The following ARHGEF1 variants were observed in gnomAD, a reference collection of about 807,000 sequenced individuals.
ARHGEF1 encodes the protein 115 kDa guanine nucleotide exchange factor.
In ARHGEF1, 40 loss-of-function variants were observed where a neutral mutation model predicts 119.7. The ratio of observed to expected loss-of-function variants is 0.33; its 90% CI spans 0.26 to 0.44. ARHGEF1 has a LOEUF of 0.44. ARHGEF1 is among the 20% of genes least tolerant of loss of function. The pLI is 1.00. For synonymous variants in ARHGEF1, 494 were observed against 521.0 expected (o/e 0.95, Z 0.71); for missense variants, 976 against 1,268.3 (o/e 0.77, Z 3.50).
chr19:41,928,442 G>A (rs1055478816), intron 1 of ARHGEF1: 1 of 154,068 alleles, frequency 6.5e-6, no homozygotes, highest in African/African-American at 2.4e-5. Flanking sequence ...GGGGCGCGGG[G>A]CGGCCCTGCC....
rs201383072 is a variant in ARHGEF1 at position 41,888,862 on chromosome 19, C to T, written c.222C>T (p.Pro74=). 3.4e-5 allele frequency: 55 copies of T among 1,613,406 alleles called. No individual in the cohort carries two copies. The highest frequency in any genetic ancestry group is 5.0e-5 in the Admixed American group (3 of 59,986). Residue 74 remains proline (P), a synonymous_variant, in exon 4 of 29, where the codon CCC becomes CCT. Transcript: ENST00000354532. This position sits in a 1 kb window ranked among gnomAD's most constrained non-coding sequence, Gnocchi z 5.1. Reference sequence around the variant, plus strand: ...TGGCCCTGCAGTTTGAGCCAGGACCCCTGGTGAGGGCAGGGCTGGGTGGGC... The same window carrying T: ...TGGCCCTGCAGTTTGAGCCAGGACCTCTGGTGAGGGCAGGGCTGGGTGGGC... ...QHVALQFEPG[P]LLCCLHADML...
chr19:41,905,497 ATG>A lies in ARHGEF1; in HGVS notation c.2336+241_2336+242del. 1.6e-6 allele frequency: 1 copy of A among 611,984 alleles called. No homozygotes were observed. The highest frequency in any genetic ancestry group is 2.9e-6 in the Non-Finnish European group (1 of 347,348). 37.9% of individuals were successfully genotyped at this position (611,984 alleles called of 1,614,324 possible). On this transcript the variant is annotated intron_variant, in intron 24 of 28. Transcript: ENST00000354532. This position sits in a 1 kb window ranked among gnomAD's most constrained non-coding sequence, Gnocchi z 6.4. ...GCGTGTATGGTGTGTGTGTATGCAT[ATG>A]TGTGCATGCGTGTGACAGCATGTGC... is the stretch of plus-strand genomic sequence containing the variant.
At chr19:41,928,039 C>T (rs1555853447) in intron 1 of ARHGEF1, 1 of 152,172 alleles carries the variant, frequency 6.6e-6, no homozygotes, top group Non-Finnish European at 1.5e-5. Context: ...CGCTCACTCA[C>T]TTTCTGGGCT....
At chr19:41,895,237 C>T (rs1280974550) in intron 11 of ARHGEF1, 112 bp from the exon 12 acceptor site, 11 of 1,389,172 alleles carry the variant, frequency 7.9e-6, no homozygotes, top group Non-Finnish European at 1.1e-5. Flanking sequence ...GAGGAAGGGG[C>T]TCCTTGTCAT....
Position 41,903,567 on chromosome 19 carries a change from C to A in ARHGEF1, c.1840-140C>A. 9.0e-7 allele frequency: 1 copy of A among 1,109,898 alleles called. No individual in the cohort carries two copies. 68.8% of individuals were successfully genotyped at this position (1,109,898 alleles called of 1,614,324 possible). On this transcript the variant is annotated intron_variant, in intron 19 of 28. Coordinates refer to ENST00000354532, the MANE Select transcript of ARHGEF1 (RefSeq NM_004706.4). The surrounding 1 kb of genome is among the most constrained non-coding windows in gnomAD (Gnocchi z 4.2). ...GGCTTGGCCCTCAGCATCTCCCTCTCAGGGTCATTGGAGGTCAGGCCCAAC... is the reference window on the plus strand; with the variant it reads ...GGCTTGGCCCTCAGCATCTCCCTCTAAGGGTCATTGGAGGTCAGGCCCAAC...
chr19:41,897,535 G>A (rs2074529170), intron 13 of ARHGEF1: 2 of 301,580 alleles, frequency 6.6e-6, no homozygotes, highest in South Asian at 5.9e-5. Flanking sequence ...AGGGAAGGGA[G>A]GGGGTCAGTC....
chr19:41,929,449 A>G (rs1288049618), intron 2 of ARHGEF1, among the ~76,000 whole-genome samples: 1 of 152,154 alleles, frequency 6.6e-6, no homozygotes, highest in Non-Finnish European at 1.5e-5. Context: ...TAACAAGTCA[A>G]TATCGACCAG....
chr19:41,897,174 C>A, intron 13 of ARHGEF1: 1 of 796,688 alleles, frequency 1.3e-6, no homozygotes, highest in Non-Finnish European at 1.8e-6. Context: ...CCTGGGGGCC[C>A]TGTCCCCCTT....
intron 1 of ARHGEF1, among the ~76,000 whole-genome samples, chr19:41,925,419 C>T (rs1318361473): frequency 1.3e-5 from 2 of 151,992 alleles, no homozygotes; most frequent in Non-Finnish European, 2.9e-5. Context: ...GGACAGACTC[C>T]TGCCCCAAAC....
At chr19:41,886,382 A>C (rs2074294055) in intron 1 of ARHGEF1, among the ~76,000 whole-genome samples, 1 of 152,104 alleles carries the variant, frequency 6.6e-6, no homozygotes, top group African/African-American at 2.4e-5. Flanking sequence ...TGCCTTTTTA[A>C]AATTTCCCTG....
At chr19:41,919,067 C>T (rs61509766), upstream of ARHGEF1, among the ~76,000 whole-genome samples, 35,165 of 151,346 alleles carry the variant, frequency 0.23, 8,197 homozygotes, top group African/African-American at 0.61. Flanking sequence ...TGCATACACA[C>T]ACCCACACAC....
downstream of ARHGEF1, chr19:41,908,933 A>C (rs1352041420): frequency 3.6e-6 from 2 of 549,304 alleles, no homozygotes; most frequent in Non-Finnish European, 5.5e-6. This position sits in a 1 kb window ranked among gnomAD's most constrained non-coding sequence, Gnocchi z 6.7. Flanking sequence ...TTTTACACAC[A>C]CACACCCTAC....
intron 1 of ARHGEF1, among the ~76,000 whole-genome samples, chr19:41,927,732 A>G (rs1555853392): frequency 1.3e-5 from 2 of 151,596 alleles, no homozygotes; most frequent in African/African-American, 2.4e-5. Context: ...CCGTTCCCAG[A>G]TTTTCAGTCC....
chr19:41,896,279 C>A, intron 12 of ARHGEF1, 98 bp from the exon 13 acceptor site: 1 of 548,684 alleles, frequency 1.8e-6, no homozygotes, highest in Non-Finnish European at 3.1e-6. Flanking sequence ...GTCTGCCAGG[C>A]ACTGGGTAGC....
chr19:41,893,063 C>A, intron 7 of ARHGEF1: 1 of 1,022,088 alleles, frequency 9.8e-7, no homozygotes. Context: ...ATTTCTGGGT[C>A]TTGTCCATGA....
intron 18 of ARHGEF1, among the ~76,000 whole-genome samples, chr19:41,912,507 A>G (rs868939362): frequency 4.6e-5 from 7 of 152,274 alleles, no homozygotes; most frequent in South Asian, 4.2e-4. Flanking sequence ...CCTCCAGCCC[A>G]GTCCCTGCTC....
downstream of ARHGEF1, chr19:41,908,073 C>A: frequency 2.0e-6 from 1 of 505,428 alleles, no homozygotes; most frequent in Non-Finnish European, 3.1e-6. The surrounding 1 kb of genome is among the most constrained non-coding windows in gnomAD (Gnocchi z 6.7). Flanking sequence ...AGTGAGACCC[C>A]CCCCACTCTG....
chr19:41,908,648 G>GC (rs2074733460), downstream of ARHGEF1: 1 of 1,231,574 alleles, frequency 8.1e-7, no homozygotes, highest in African/African-American at 1.6e-5. This position sits in a 1 kb window ranked among gnomAD's most constrained non-coding sequence, Gnocchi z 6.7. Context: ...GACCCAGCAG[G>GC]CCAGGGGGCT....
At position 41,906,395 on chromosome 19, in the gene ARHGEF1, C is replaced by A. The variant is rs1328785354; in HGVS notation, c.2492-62C>A. 2.0e-6 allele frequency: 3 copies of A among 1,481,562 alleles called. 1 individual carries two copies. The East Asian group carries it at 7.0e-5, about 35-fold the overall frequency. The allele number at this position is 1,481,562 out of a possible 1,614,324, so 91.8% of individuals were successfully genotyped here. ...CCTACACATCCCCTTTGGAATCCCC[C>A]ATCCCAGATCCCAGCCCAGCCCCCT... On this transcript the variant is annotated intron_variant, in intron 26 of 28. Coordinates refer to ENST00000354532, the MANE Select transcript of ARHGEF1 (RefSeq NM_004706.4). This position sits in a 1 kb window ranked among gnomAD's most constrained non-coding sequence, Gnocchi z 4.5.
Sources: gnomAD v4.1 joint callset for allele counts (sites outside exome capture counted in the v4.1 genomes callset) on GRCh38, gnomAD v4.1.1 for gene constraint, Gnocchi (gnomAD v3.1) non-coding constraint, MANE v1.5 for transcripts, NCBI Gene and HGNC (gene_info 2026-07-23, HGNC 2026-07-21) for gene names.